VAMP3: variants seen among roughly 807,000 people sequenced by gnomAD.
VAMP3 encodes vesicle associated membrane protein 3.
VAMP3 carries 11 observed loss-of-function variants against 18.1 expected under a neutral mutation model. That is an observed-to-expected ratio of 0.61 (90% CI 0.38 to 1.00). VAMP3 has a LOEUF of 1.00. Ranked by LOEUF, VAMP3 falls within the 50% of genes least tolerant of loss-of-function variation. VAMP3 has a pLI of 0.01. For missense variants in VAMP3, 122 were observed against 127.3 expected (o/e 0.96, Z 0.20); for synonymous variants, 49 against 43.1 (o/e 1.14, Z -0.53).
At position 7,776,938 on chromosome 1, in the gene VAMP3, T is replaced by A. The variant is rs530995025; in HGVS notation, c.73-222T>A. On this transcript the variant is annotated intron_variant, in intron 2 of 4. Coordinates refer to ENST00000054666, the MANE Select transcript of VAMP3 (RefSeq NM_004781.4). ...TCTCCTGCCTCAGCCTCCTGAGTAG[T>A]TGGGATTACAAGCGCCCAGCACCCC... Among the ~76,000 whole-genome samples, 3 of 152,230 alleles carry A rather than the reference T, an allele frequency of 2.0e-5. No individual in the cohort carries two copies. In the East Asian group the frequency reaches 5.8e-4, roughly 29 times the overall value.
At position 7,777,124 on chromosome 1, in the gene VAMP3, C is replaced by CT. The variant is rs2097054676; in HGVS notation, c.73-33dup. 3 of 1,575,928 alleles carry CT rather than the reference C, an allele frequency of 1.9e-6. No individual in the cohort carries two copies. The East Asian group carries it at 6.8e-5, about 36-fold the overall frequency. On this transcript the variant is annotated intron_variant, in intron 2 of 4. Coordinates refer to ENST00000054666, the MANE Select transcript of VAMP3 (RefSeq NM_004781.4). ...CCGCACCTGGCCCTGTTCCTCCATT[C>CT]TTTGTGCATTACTTGCTGTGATCAC...
chr1:7,779,168 C>G (rs930516341), intron 4 of VAMP3, among the ~76,000 whole-genome samples: 2 of 151,918 alleles, frequency 1.3e-5, no homozygotes, highest in Non-Finnish European at 2.9e-5. Flanking sequence ...GCACTCCAGC[C>G]TAGGTGACAG....
chr1:7,779,561 G>A, intron 4 of VAMP3, 65 bp from the exon 5 acceptor site: 3 of 1,608,836 alleles, frequency 1.9e-6, no homozygotes, highest in Non-Finnish European at 2.6e-6. Flanking sequence ...ATGTTGGCTT[G>A]GGATTCACAC....
rs1265065314 is a variant in VAMP3, at chr1:7,771,300, C to T, written c.-84C>T. 6.4e-7 allele frequency: 1 copy of T among 1,553,584 alleles called. No individual in the cohort carries two copies. Among genetic ancestry groups the T allele is most frequent in the Non-Finnish European group, 8.7e-7 (1 of 1,149,728 alleles). On this transcript the variant is annotated 5_prime_UTR_variant, in exon 1 of 5. Coordinates refer to ENST00000054666, the MANE Select transcript of VAMP3 (RefSeq NM_004781.4). ...GTCTTTGCCCCGCGCCGCGCCGTCC[C>T]ACCCATCTCCCTGGCCTCCGGTCCC...
In VAMP3 at chr1:7,771,333, C is replaced by G; in HGVS notation, c.-51C>G. On this transcript the variant is annotated 5_prime_UTR_variant, in exon 1 of 5. Transcript: ENST00000054666. The stretch of plus-strand genomic sequence containing the variant: ...TCCCTGGCCTCCGGTCCCAACTTCG[C>G]TTCTCTGCTGACCCTCTCTCGTCGC... 1 of 1,594,674 alleles carries G rather than the reference C, an allele frequency of 6.3e-7. No homozygotes were observed. The highest frequency in any genetic ancestry group is 1.7e-5 in the Admixed American group (1 of 59,200).
At chr1:7,779,575 G>A (rs766362172) in intron 4 of VAMP3, 51 bp from the exon 5 acceptor site, 11 of 1,613,556 alleles carry the variant, frequency 6.8e-6, no homozygotes, top group Non-Finnish European at 9.3e-6. Context: ...TTCACACTGA[G>A]AGACTAACCT....
chr1:7,777,004 T>C, intron 2 of VAMP3, 156 bp from the exon 3 acceptor site: 1 of 673,220 alleles, frequency 1.5e-6, no homozygotes. Flanking sequence ...TGAGACAGGG[T>C]TTCCCCATGT....
intron 3 of VAMP3, 40 bp downstream of exon 3, chr1:7,777,358 T>C (rs749831346): frequency 6.3e-7 from 1 of 1,577,988 alleles, no homozygotes. Flanking sequence ...TAACCCCCCT[T>C]CTCCATTCTC....
Position 7,771,308 on chromosome 1 carries a change from TC to T in VAMP3, c.-73del. The T allele has an allele frequency of 6.4e-7, 1 of 1,557,984 alleles. No homozygotes were observed. The highest frequency in any genetic ancestry group is 8.7e-7 in the Non-Finnish European group (1 of 1,152,554). On this transcript the variant is annotated 5_prime_UTR_variant, in exon 1 of 5. Transcript: ENST00000054666. ...CCCGCGCCGCGCCGTCCCACCCATC[TC>T]CCTGGCCTCCGGTCCCAACTTCGCT...
intron 1 of VAMP3, chr1:7,772,820 C>G (rs1276732032): frequency 6.6e-6 from 1 of 152,474 alleles, no homozygotes; most frequent in African/African-American, 2.4e-5. Flanking sequence ...ACCCAGGAAG[C>G]GGAGGTTACA....
chr1:7,772,373 C>G (rs1558352403), intron 1 of VAMP3, among the ~76,000 whole-genome samples: 1 of 152,144 alleles, frequency 6.6e-6, no homozygotes, highest in Non-Finnish European at 1.5e-5. Context: ...GCCCATCAGA[C>G]TGTTGTATAC....
intron 1 of VAMP3, 143 bp downstream of exon 1, chr1:7,771,528 C>T (rs2097050743): frequency 1.8e-6 from 2 of 1,115,608 alleles, no homozygotes; most frequent in Non-Finnish European, 2.3e-6. Context: ...TGGGGGTGGG[C>T]GGTGGCCCTT....
chr1:7,772,898 G>C (rs1329667744), intron 1 of VAMP3: 1 of 152,408 alleles, frequency 6.6e-6, no homozygotes, highest in Non-Finnish European at 1.5e-5. Flanking sequence ...TCTCAAAAGA[G>C]GGGGAAAAAG....
Position 7,771,392 on chromosome 1 carries a change from G to A in VAMP3, c.2+7G>A. 6.3e-7 allele frequency: 1 copy of A among 1,581,056 alleles called. No homozygotes were observed. The highest frequency in any genetic ancestry group is 1.1e-5 in the South Asian group (1 of 88,962). On this transcript the variant is annotated splice_region_variant and intron_variant, in intron 1 of 4. Coordinates refer to ENST00000054666, the MANE Select transcript of VAMP3 (RefSeq NM_004781.4). ...CCGCCGCAGCTGCCAAAATGTGAGT[G>A]ACGCTACGCGACGCGGGCGGCTTCG...
intron 3 of VAMP3, among the ~76,000 whole-genome samples, chr1:7,777,782 T>C (rs697673): frequency 0.79 from 120,726 of 152,164 alleles, 48,052 homozygotes; most frequent in East Asian, 0.96. Flanking sequence ...CGTGCTGCAA[T>C]CAGATCCAGA....
rs1223794558 is a variant in VAMP3 at position 7,780,817 on chromosome 1, C to G, written c.*1172C>G. On this transcript the variant is annotated 3_prime_UTR_variant, in exon 5 of 5. Transcript: ENST00000054666. ...GGTCAGGGGTGAATGGCTCTTTTCA[C>G]AGAGAGTAGCCAACCAGAGACCTTT... 1 of 152,346 alleles carries G rather than the reference C, an allele frequency of 6.6e-6. No homozygotes were observed. Among genetic ancestry groups the G allele is most frequent in the Admixed American group, 6.5e-5 (1 of 15,278 alleles). The allele number at this position is 152,346 out of a possible 1,614,324, so 9.4% of individuals were successfully genotyped here.
intron 2 of VAMP3, 103 bp downstream of exon 2, chr1:7,773,614 C>A (rs1300958608): frequency 3.6e-6 from 4 of 1,097,122 alleles, no homozygotes; most frequent in Non-Finnish European, 5.4e-6. Flanking sequence ...AAAGCAAATT[C>A]TGACTGTATC....
chr1:7,772,208 T>A (rs1229587638), intron 1 of VAMP3, among the ~76,000 whole-genome samples: 1 of 152,194 alleles, frequency 6.6e-6, no homozygotes, highest in Non-Finnish European at 1.5e-5. Flanking sequence ...CTCAGAGAGT[T>A]ATGAGGGTTA....
In VAMP3 at chr1:7,771,435, C is replaced by T. The variant is rs754271809; in HGVS notation, c.2+50C>T. ...CGGCTTCGGGCCCCGCAGGCGGCAGCTCGCGCTGGGACCGCCATACTGCCC... is the reference window on the plus strand; with the variant it reads ...CGGCTTCGGGCCCCGCAGGCGGCAGTTCGCGCTGGGACCGCCATACTGCCC... On this transcript the variant is annotated intron_variant, in intron 1 of 4. Transcript: ENST00000054666. 28 of 1,510,098 alleles carry T rather than the reference C, an allele frequency of 1.9e-5. No homozygotes were observed. In the African/African-American group the frequency reaches 3.9e-4, roughly 21 times the overall value. The allele number at this position is 1,510,098 out of a possible 1,614,324, so 93.5% of individuals were successfully genotyped here. A position where few individuals can be genotyped will look rare whatever the true frequency, so the allele number is the denominator to read the frequency against.
Sources: gnomAD v4.1 joint callset for allele counts (sites outside exome capture counted in the v4.1 genomes callset) on GRCh38, gnomAD v4.1.1 for gene constraint, MANE v1.5 for transcripts, NCBI Gene and HGNC (gene_info 2026-07-23, HGNC 2026-07-21) for gene names.